Variants in CAMK4 observed in about 807,000 individuals in gnomAD.
CAMK4 encodes the protein calcium/calmodulin dependent protein kinase IV.
CAMK4 carries 22 observed loss-of-function variants against 44.9 expected under a neutral mutation model. The observed-to-expected ratio is 0.49, with a 90% CI of 0.35 to 0.70. The LOEUF (loss-of-function observed/expected upper bound fraction) is 0.70, where lower values mean the gene tolerates loss of function less well. CAMK4 is among the 30% of genes least tolerant of loss of function. The pLI is 0.01. For missense variants in CAMK4, 498 were observed against 586.8 expected (o/e 0.85, Z 1.56); for synonymous variants, 218 against 215.4 (o/e 1.01, Z -0.11).
intron 1 of CAMK4, among the ~76,000 whole-genome samples, chr5:111,329,435 A>G (rs1435135532): frequency 1.3e-5 from 2 of 150,772 alleles, no homozygotes; most frequent in East Asian, 2.1e-4. Context: ...AGGAAGTCAA[A>G]TTGTCCCTGT....
chr5:111,228,284 A>G (rs972626729), intron 1 of CAMK4, among the ~76,000 whole-genome samples: 1 of 152,198 alleles, frequency 6.6e-6, no homozygotes, highest in African/African-American at 2.4e-5. Flanking sequence ...TTTAGTTCCC[A>G]TTCCACTTAC....
intron 5 of CAMK4, among the ~76,000 whole-genome samples, chr5:111,418,444 GA>G (rs1304122648): frequency 6.6e-5 from 4 of 60,546 alleles, no homozygotes; most frequent in African/African-American, 1.8e-4. Flanking sequence ...AGGAGACAGG[GA>G]TTTTTTTTTT....
intron 1 of CAMK4, among the ~76,000 whole-genome samples, chr5:111,337,295 T>G (rs1220592394): frequency 6.6e-6 from 1 of 151,274 alleles, no homozygotes; most frequent in Non-Finnish European, 1.5e-5. Context: ...TGGTGATTAC[T>G]CATAAACCTG....
intron 2 of CAMK4, among the ~76,000 whole-genome samples, chr5:111,356,716 A>G (rs1750372847): frequency 6.6e-6 from 1 of 152,120 alleles, no homozygotes; most frequent in Admixed American, 6.6e-5. Flanking sequence ...TCAGCTTTCT[A>G]CATATGGCTA....
At chr5:111,225,600 C>T (rs944526707) in intron 1 of CAMK4, among the ~76,000 whole-genome samples, 40 of 152,166 alleles carry the variant, frequency 2.6e-4, no homozygotes, top group African/African-American at 9.2e-4. Flanking sequence ...TCTGTACTTA[C>T]TACTCCTTTG....
chr5:111,372,153 G>A (rs1485803651), intron 2 of CAMK4, among the ~76,000 whole-genome samples: 2 of 152,166 alleles, frequency 1.3e-5, no homozygotes, highest in African/African-American at 4.8e-5. Flanking sequence ...TGATCGATTA[G>A]TCTGGGACAT....
Position 111,246,329 on chromosome 5 carries a change from CT to C in CAMK4, c.161+21686del, listed in dbSNP as rs545303427. Among the ~76,000 whole-genome samples, 231 of 152,268 alleles carry C rather than the reference CT, an allele frequency of 1.5e-3. 3 individuals carry two copies. Among genetic ancestry groups the C allele is most frequent in the African/African-American group, 5.3e-3 (222 of 41,558 alleles). The stretch of plus-strand genomic sequence containing the variant: ...TGTATTCTTATATTCCCAGTTTTTA[CT>C]GCTTCTATGTTCCCTTTTATCAGTT... On this transcript the variant is annotated intron_variant, in intron 1 of 10. Coordinates refer to ENST00000282356, the MANE Select transcript of CAMK4 (RefSeq NM_001744.6).
intron 1 of CAMK4, 32 bp from the exon 2 acceptor site, chr5:111,343,992 A>T: frequency 7.7e-7 from 1 of 1,306,906 alleles, no homozygotes; most frequent in East Asian, 2.3e-5. Flanking sequence ...TCCAAAGCAT[A>T]ACATTTTCTT....
At chr5:111,467,934 T>TCACACACA (rs60254627) in intron 7 of CAMK4, among the ~76,000 whole-genome samples, 28,733 of 143,108 alleles carry the variant, frequency 0.2, 3,068 homozygotes, top group Non-Finnish European at 0.24. Context: ...AAAGAAATTG[T>TCACACACA]CACACACACA....
intron 7 of CAMK4, among the ~76,000 whole-genome samples, chr5:111,470,678 T>C (rs887441050): frequency 9.2e-5 from 14 of 152,254 alleles, no homozygotes; most frequent in African/African-American, 3.1e-4. Context: ...TATAGAAATT[T>C]TAAGATAAAG....
At chr5:111,398,751 CTT>C (rs1561462543) in intron 5 of CAMK4, among the ~76,000 whole-genome samples, 1 of 152,142 alleles carries the variant, frequency 6.6e-6, no homozygotes, top group Non-Finnish European at 1.5e-5. Flanking sequence ...GCAAAAAACT[CTT>C]ATAAGGTTCC....
Position 111,487,165 on chromosome 5 carries a change from T to C in CAMK4, c.*2699T>C, listed in dbSNP as rs996750443. 6.6e-6 allele frequency: 1 copy of C among 152,174 alleles called. No homozygotes were observed. Among genetic ancestry groups the C allele is most frequent in the African/African-American group, 2.4e-5 (1 of 41,452 alleles). The allele number at this position is 152,174 out of a possible 1,614,324, so 9.4% of individuals were successfully genotyped here. ...TGGAGATTTAATTTCACAAAATACT[T>C]CATAACATCACTCCTAATTGGCAAT... On this transcript the variant is annotated 3_prime_UTR_variant, in exon 11 of 11. Transcript: ENST00000282356.
intron 1 of CAMK4, among the ~76,000 whole-genome samples, chr5:111,292,649 T>A (rs79534317): frequency 0.17 from 26,030 of 152,110 alleles, 2,744 homozygotes; most frequent in Non-Finnish European, 0.24. Flanking sequence ...GGGTCAAGCA[T>A]GCTGGCTCAC....
chr5:111,383,246 G>T (rs916848902), intron 4 of CAMK4, among the ~76,000 whole-genome samples: 1 of 152,148 alleles, frequency 6.6e-6, no homozygotes, highest in Admixed American at 6.5e-5. Context: ...TCAGATAAAC[G>T]GATTTGGTTT....
At chr5:111,332,623 A>G (rs757439201) in intron 1 of CAMK4, among the ~76,000 whole-genome samples, 21 of 151,590 alleles carry the variant, frequency 1.4e-4, no homozygotes, top group Non-Finnish European at 3.0e-4. Context: ...CTTTTCTAGT[A>G]CTTCAAAATT....
rs764093375 is a variant in CAMK4, at chr5:111,486,829, C to A, written c.*2363C>A. On this transcript the variant is annotated 3_prime_UTR_variant, in exon 11 of 11. Coordinates refer to ENST00000282356, the MANE Select transcript of CAMK4 (RefSeq NM_001744.6). Reference sequence around the variant, plus strand: ...TGAGTACTCGAGTTGATAATTCCCTCTATCTTTTTAAACCCATAAACTACA... The same window carrying A: ...TGAGTACTCGAGTTGATAATTCCCTATATCTTTTTAAACCCATAAACTACA... 6.6e-6 allele frequency: 1 copy of A among 152,088 alleles called. No homozygotes were observed. Among genetic ancestry groups the A allele is most frequent in the African/African-American group, 2.4e-5 (1 of 41,422 alleles). 9.4% of individuals were successfully genotyped at this position (152,088 alleles called of 1,614,324 possible).
chr5:111,478,631 AT>A, intron 9 of CAMK4, 124 bp downstream of exon 9: 1 of 471,034 alleles, frequency 2.1e-6, no homozygotes, highest in Non-Finnish European at 3.7e-6. Flanking sequence ...ATTTTAAAGT[AT>A]TTTAATAAAA....
At chr5:111,457,296 G>A (rs1754450018) in intron 7 of CAMK4, among the ~76,000 whole-genome samples, 1 of 152,046 alleles carries the variant, frequency 6.6e-6, no homozygotes, top group African/African-American at 2.4e-5. Flanking sequence ...AAGAATCCAG[G>A]AACTAAAAAG....
intron 4 of CAMK4, among the ~76,000 whole-genome samples, chr5:111,394,070 A>G (rs1751908150): frequency 6.6e-6 from 1 of 152,092 alleles, no homozygotes; most frequent in Admixed American, 6.6e-5. Context: ...AAAAAATAAT[A>G]AGAGATACGC....
Sources: allele counts gnomAD v4.1 joint callset (sites outside exome capture counted in the v4.1 genomes callset), GRCh38; gene constraint gnomAD v4.1.1; transcripts MANE v1.5; gene names NCBI Gene and HGNC (gene_info 2026-07-23, HGNC 2026-07-21).